Variants in GRID1 observed in about 807,000 individuals in gnomAD.
GRID1 encodes glutamate ionotropic receptor delta type subunit 1.
GRID1 carries 28 observed loss-of-function variants against 98.0 expected under a neutral mutation model. The ratio of observed to expected loss-of-function variants is 0.29; its 90% CI spans 0.21 to 0.39. The LOEUF (loss-of-function observed/expected upper bound fraction) is 0.39, where lower values mean the gene tolerates loss of function less well. Ranked by LOEUF, GRID1 falls within the 10% of genes least tolerant of loss-of-function variation. The probability of loss-of-function intolerance (pLI) is 1.00; values close to 1 mark genes in which losing one functional copy is unlikely to be tolerated. For synonymous variants in GRID1, 553 were observed against 538.5 expected (o/e 1.03, Z -0.37); for missense variants, 1,111 against 1,340.5 (o/e 0.83, Z 2.67).
At chr10:85,877,822 C>T (rs562439037) in intron 5 of GRID1, among the ~76,000 whole-genome samples, 11 of 152,184 alleles carry the variant, frequency 7.2e-5, no homozygotes, top group South Asian at 2.1e-4. Flanking sequence ...GAAAATACTC[C>T]GAGCTATAGG....
chr10:85,723,274 A>T (rs1841724794), intron 11 of GRID1, 133 bp from the exon 12 acceptor site: 1 of 863,448 alleles, frequency 1.2e-6, no homozygotes, highest in Admixed American at 3.3e-5. Flanking sequence ...GGTGACTGTC[A>T]GCTGGGTCTG....
At chr10:86,160,906 C>T (rs143439419) in intron 3 of GRID1, among the ~76,000 whole-genome samples, 55 of 152,380 alleles carry the variant, frequency 3.6e-4, no homozygotes, top group Admixed American at 1.6e-3. Flanking sequence ...TCTGAGCACA[C>T]GCTCAGTGTG....
chr10:86,194,445 C>T (rs565383327), intron 3 of GRID1, among the ~76,000 whole-genome samples: 1 of 152,242 alleles, frequency 6.6e-6, no homozygotes, highest in South Asian at 2.1e-4. Context: ...GGTTCCCCTT[C>T]TGCGTCTGCA....
chr10:86,307,471 T>A (rs541908398), intron 2 of GRID1, among the ~76,000 whole-genome samples: 1 of 152,134 alleles, frequency 6.6e-6, no homozygotes, highest in Non-Finnish European at 1.5e-5. Flanking sequence ...CTCACTTATA[T>A]GTGGAAATCT....
At chr10:85,644,000 A>G (rs945300150) in intron 13 of GRID1, 1 of 152,188 alleles carries the variant, frequency 6.6e-6, no homozygotes, top group Non-Finnish European at 1.5e-5. Context: ...AGCTAGAACA[A>G]TGATGAGGTG....
At chr10:85,749,791 A>G (rs1473096192) in intron 8 of GRID1, among the ~76,000 whole-genome samples, 1 of 152,156 alleles carries the variant, frequency 6.6e-6, no homozygotes, top group African/African-American at 2.4e-5. Context: ...TCACCCTAGA[A>G]CTACTCTTAA....
intron 8 of GRID1, among the ~76,000 whole-genome samples, chr10:85,740,890 T>TACAG (rs1175664215): frequency 6.6e-6 from 1 of 152,008 alleles, no homozygotes; most frequent in Non-Finnish European, 1.5e-5. Context: ...TAGCTGGGAT[T>TACAG]ACAGGTGTGT....
intron 6 of GRID1, among the ~76,000 whole-genome samples, chr10:85,863,160 A>T (rs1429780074): frequency 6.6e-6 from 1 of 152,166 alleles, no homozygotes; most frequent in Non-Finnish European, 1.5e-5. Context: ...AAGCAACAAA[A>T]ATTTAACTTC....
chr10:86,336,498 G>T (rs959650393), intron 2 of GRID1, among the ~76,000 whole-genome samples: 10 of 152,150 alleles, frequency 6.6e-5, no homozygotes, highest in African/African-American at 2.4e-4. Context: ...AGAAATACAA[G>T]TGTATGTCCA....
intron 4 of GRID1, among the ~76,000 whole-genome samples, chr10:86,065,529 G>A (rs1255567897): frequency 6.6e-6 from 1 of 152,232 alleles, no homozygotes; most frequent in Non-Finnish European, 1.5e-5. Flanking sequence ...CTGCCCTGTG[G>A]CCAGGTGCTC....
At chr10:85,931,367 G>T (rs961478639) in intron 4 of GRID1, among the ~76,000 whole-genome samples, 1 of 152,062 alleles carries the variant, frequency 6.6e-6, no homozygotes, top group African/African-American at 2.4e-5. Flanking sequence ...GAAATATTTT[G>T]TTACTTATTT....
At chr10:85,776,858 C>T (rs1441804730) in intron 8 of GRID1, among the ~76,000 whole-genome samples, 8 of 152,200 alleles carry the variant, frequency 5.3e-5, no homozygotes, top group Non-Finnish European at 1.2e-4. Context: ...CTCAAGTCTG[C>T]TAGTCCTTGT....
chr10:86,251,520 A>G (rs1316608898), intron 2 of GRID1, among the ~76,000 whole-genome samples: 1 of 152,118 alleles, frequency 6.6e-6, no homozygotes, highest in East Asian at 1.9e-4. Context: ...CTACTACCTC[A>G]GCTTTTCCTG....
intron 5 of GRID1, among the ~76,000 whole-genome samples, chr10:85,885,528 T>C (rs1259844448): frequency 1.3e-5 from 2 of 152,192 alleles, no homozygotes; most frequent in African/African-American, 4.8e-5. Flanking sequence ...AAGTGCTCCT[T>C]TTTGCTAATT....
chr10:86,149,038 C>T (rs1461884990), intron 3 of GRID1, among the ~76,000 whole-genome samples: 3 of 152,224 alleles, frequency 2.0e-5, no homozygotes, highest in Admixed American at 1.3e-4. Flanking sequence ...TCCCTTCCAA[C>T]CTTCTCAACA....
chr10:86,308,312 C>T (rs1054375613), intron 2 of GRID1, among the ~76,000 whole-genome samples: 1 of 152,256 alleles, frequency 6.6e-6, no homozygotes, highest in African/African-American at 2.4e-5. Context: ...GCCCACCAGA[C>T]ATTGGGATGA....
intron 8 of GRID1, among the ~76,000 whole-genome samples, chr10:85,734,719 A>G (rs1325908559): frequency 6.6e-6 from 1 of 152,172 alleles, no homozygotes; most frequent in Non-Finnish European, 1.5e-5. Context: ...GAATCTCCCC[A>G]TTTCCACAAA....
At chr10:86,011,284 A>G (rs1842921019) in intron 4 of GRID1, among the ~76,000 whole-genome samples, 1 of 152,226 alleles carries the variant, frequency 6.6e-6, no homozygotes, top group South Asian at 2.1e-4. Context: ...TCTGAAATAA[A>G]CTTTCTACTA....
chr10:86,215,831 A>G (rs1438918979), intron 2 of GRID1, among the ~76,000 whole-genome samples: 1 of 152,102 alleles, frequency 6.6e-6, no homozygotes, highest in East Asian at 1.9e-4. Flanking sequence ...GTCAGTGACA[A>G]GCACGCCCTT....
Sources: allele counts gnomAD v4.1 joint callset (sites outside exome capture counted in the v4.1 genomes callset), GRCh38; gene constraint gnomAD v4.1.1; transcripts MANE v1.5; gene names NCBI Gene and HGNC (gene_info 2026-07-23, HGNC 2026-07-21).